Variants in FBXL2 observed in about 807,000 individuals in gnomAD.
FBXL2 encodes the protein F-box/LRR-repeat protein 2.
FBXL2 carries 38 observed loss-of-function variants against 69.2 expected under a neutral mutation model. The ratio of observed to expected loss-of-function variants is 0.55; its 90% CI spans 0.42 to 0.72. FBXL2 has a LOEUF of 0.72. Among genes scored for constraint, FBXL2 ranks in the 30% least tolerant of loss-of-function variants. FBXL2 has a pLI of 0.00. For synonymous variants in FBXL2, 192 were observed against 201.3 expected, an observed-to-expected ratio of 0.95 and a Z score of 0.39; for missense variants, 354 against 520.3, an observed-to-expected ratio of 0.68 and a Z score of 3.11.
rs974214065 is a variant in FBXL2 at position 33,277,481 on chromosome 3, C to T, written c.-32C>T. 8.5e-6 allele frequency: 11 copies of T among 1,287,754 alleles called. No homozygotes were observed. The highest frequency in any genetic ancestry group is 1.1e-5 in the Non-Finnish European group (11 of 1,010,010). The allele number at this position is 1,287,754 out of a possible 1,614,324, so 79.8% of individuals were successfully genotyped here. On this transcript the variant is annotated 5_prime_UTR_variant, in exon 1 of 15. Coordinates refer to ENST00000484457, the MANE Select transcript of FBXL2 (RefSeq NM_012157.5). Reference sequence around the variant, plus strand: ...GGGCGTCGCCGGCGCCGTGTGACTTCGGGCTGTGGGCTCGCTCGCGGCTCT... The same window carrying T: ...GGGCGTCGCCGGCGCCGTGTGACTTTGGGCTGTGGGCTCGCTCGCGGCTCT...
At chr3:33,364,203 C>T (rs528119128) in intron 4 of FBXL2, 8 of 176,356 alleles carry the variant, frequency 4.5e-5, no homozygotes, top group Middle Eastern at 2.8e-3. Flanking sequence ...TAATGCTTAG[C>T]TCAAGTAGGA....
At chr3:33,277,421 G>A, upstream of FBXL2, 5 of 1,229,636 alleles carry the variant, frequency 4.1e-6, no homozygotes, top group Non-Finnish European at 5.1e-6. Context: ...CCTTGGGGAC[G>A]GGGCGGGGCG....
rs574180567 is a variant in FBXL2 at position 33,364,832 on chromosome 3, T to G, written c.290+113T>G. Reference sequence around the variant, plus strand: ...CTGTTAAAATTCTTTCTGTGGTAATTTGCATAGAGTAATGAGAGGACCAGG... The same window carrying G: ...CTGTTAAAATTCTTTCTGTGGTAATGTGCATAGAGTAATGAGAGGACCAGG... On this transcript the variant is annotated intron_variant, in intron 5 of 14. Transcript: ENST00000484457. The G allele has an allele frequency of 1.2e-4, 117 of 963,458 alleles. No homozygotes were observed. In the African/African-American group the frequency reaches 1.6e-3, roughly 13 times the overall value. The allele number at this position is 963,458 out of a possible 1,614,324, so 59.7% of individuals were successfully genotyped here.
rs555091649 is a variant in FBXL2 at position 33,399,152 on chromosome 3, G to A, written n.1215-4082G>A. Among the ~76,000 whole-genome samples, 5 of 152,354 alleles carry A rather than the reference G, an allele frequency of 3.3e-5. No individual in the cohort carries two copies. The South Asian group carries it at 1.0e-3, about 32-fold the overall frequency. On this transcript the variant is annotated intron_variant and non_coding_transcript_variant, in intron 12 of 12. Transcript: ENST00000463736. Reference sequence around the variant, plus strand: ...TGTGTTTTAATGGCCCTACTGCACTGCAGGTGAAGGAATGCTAACTACCAC... The same window carrying A: ...TGTGTTTTAATGGCCCTACTGCACTACAGGTGAAGGAATGCTAACTACCAC...
chr3:33,345,666 A>G (rs1035667191), intron 2 of FBXL2, among the ~76,000 whole-genome samples: 8 of 152,176 alleles, frequency 5.3e-5, no homozygotes, highest in Admixed American at 1.3e-4. Context: ...AAAACACTCA[A>G]CTCATTTAAA....
In FBXL2 at chr3:33,292,657, C is replaced by T. The variant is rs146486281; in HGVS notation, c.4-5007C>T. On this transcript the variant is annotated intron_variant, in intron 1 of 14. Transcript: ENST00000484457. ...AACAGCAAAATGGCAGATGTTAGTCCCTCCTTATTAGTAATTACTATAAGT... is the reference window on the plus strand; with the variant it reads ...AACAGCAAAATGGCAGATGTTAGTCTCTCCTTATTAGTAATTACTATAAGT... Among the ~76,000 whole-genome samples the T allele has an allele frequency of 3.0e-4, 45 of 152,010 alleles. No individual in the cohort carries two copies. In the East Asian group the frequency reaches 5.6e-3, roughly 19 times the overall value.
chr3:33,329,257 A>ATGG (rs1391341207), intron 2 of FBXL2, among the ~76,000 whole-genome samples: 3 of 152,178 alleles, frequency 2.0e-5, no homozygotes, highest in African/African-American at 4.8e-5. Flanking sequence ...CAAAAAGATG[A>ATGG]TGGAGTAAAA....
chr3:33,288,540 C>T (rs564484381), intron 1 of FBXL2, among the ~76,000 whole-genome samples: 1 of 152,140 alleles, frequency 6.6e-6, no homozygotes. Context: ...GAAGGCCTCT[C>T]TGATAAAGTG....
chr3:33,279,273 C>CTT (rs1013591676), intron 1 of FBXL2, among the ~76,000 whole-genome samples: 11 of 142,302 alleles, frequency 7.7e-5, no homozygotes, highest in Non-Finnish European at 1.4e-4. Flanking sequence ...AAACTGTATT[C>CTT]TTTTTTTTTT....
At chr3:33,332,575 C>T (rs2039252808) in intron 2 of FBXL2, among the ~76,000 whole-genome samples, 1 of 152,236 alleles carries the variant, frequency 6.6e-6, no homozygotes, top group African/African-American at 2.4e-5. Flanking sequence ...AGTCATGCGT[C>T]ACTTGACAGT....
intron 12 of FBXL2, among the ~76,000 whole-genome samples, chr3:33,393,818 T>G (rs2043862202): frequency 6.6e-6 from 1 of 152,212 alleles, no homozygotes; most frequent in Non-Finnish European, 1.5e-5. Context: ...ATGGGGGATC[T>G]TCTTGAAATA....
intron 5 of FBXL2, among the ~76,000 whole-genome samples, chr3:33,370,083 T>A (rs1278806669): frequency 6.6e-6 from 1 of 152,122 alleles, no homozygotes; most frequent in Non-Finnish European, 1.5e-5. Flanking sequence ...AGCTCTTCTA[T>A]GTCTAAAAAA....
rs758999099 is a variant in FBXL2 at position 33,373,661 on chromosome 3, G to A, written c.539G>A (p.Gly180Asp). Residue 180 changes from glycine to aspartate, a missense_variant, in exon 8 of 15, where the codon GGT becomes GAT. By Grantham distance (94) the Gly-to-Asp change is moderately conservative. Coordinates refer to ENST00000484457, the MANE Select transcript of FBXL2 (RefSeq NM_012157.5). ...GATGGCATCGAGGCACTGGTGCGAG[G>A]TTGTCGAGGCCTGAAAGCCCTGCTC... The part of the protein sequence containing the change: ...TKDGIEALVR[G>D]CRGLKALLLR... 4 of 1,614,190 alleles carry A rather than the reference G, an allele frequency of 2.5e-6. No homozygotes were observed. Among genetic ancestry groups the A allele is most frequent in the Middle Eastern group, 1.6e-4 (1 of 6,062 alleles).
intron 2 of FBXL2, among the ~76,000 whole-genome samples, chr3:33,331,209 T>A (rs1226143295): frequency 6.6e-6 from 1 of 151,830 alleles, no homozygotes; most frequent in Non-Finnish European, 1.5e-5. Context: ...TCTGTAACTT[T>A]GGAATGGGAC....
chr3:33,373,946 ACT>A (rs1424402691), intron 9 of FBXL2, 25 bp downstream of exon 9: 8 of 1,611,572 alleles, frequency 5.0e-6, no homozygotes, highest in East Asian at 2.2e-5. Context: ...TTTCCTGAAC[ACT>A]GTTTGCTCTA....
At chr3:33,374,433 T>C (rs576778745) in intron 9 of FBXL2, among the ~76,000 whole-genome samples, 1 of 152,338 alleles carries the variant, frequency 6.6e-6, no homozygotes, top group South Asian at 2.1e-4. Context: ...ATTGTAAATG[T>C]TGATAATTGA....
intron 2 of FBXL2, among the ~76,000 whole-genome samples, chr3:33,342,711 C>CTTCTTTT (rs2040130255): frequency 2.6e-5 from 1 of 37,912 alleles, no homozygotes; most frequent in African/African-American, 1.1e-4. Flanking sequence ...AATATAACTT[C>CTTCTTTT]TTTTTTTTTT....
At chr3:33,277,622 A>G in intron 1 of FBXL2, 107 bp downstream of exon 1, 1 of 1,149,572 alleles carries the variant, frequency 8.7e-7, no homozygotes, top group Non-Finnish European at 1.1e-6. Flanking sequence ...GGGGTCGTGG[A>G]GAGGCCGGGC....
At chr3:33,366,036 A>T (rs2041932256) in intron 5 of FBXL2, among the ~76,000 whole-genome samples, 3 of 152,354 alleles carry the variant, frequency 2.0e-5, no homozygotes, top group Non-Finnish European at 1.5e-5. Context: ...ATTGATTCAC[A>T]ACATCTTTTA....
Sources: allele counts gnomAD v4.1 joint callset (sites outside exome capture counted in the v4.1 genomes callset), GRCh38; gene constraint gnomAD v4.1.1; transcripts MANE v1.5; gene names NCBI Gene and HGNC (gene_info 2026-07-23, HGNC 2026-07-21).